MYO16: variants seen among roughly 807,000 people sequenced by gnomAD.
MYO16 encodes unconventional myosin-XVI.
MYO16 carries 94 observed loss-of-function variants against 205.3 expected under a neutral mutation model. That is an observed-to-expected ratio of 0.46 (90% CI 0.39 to 0.54). The LOEUF (loss-of-function observed/expected upper bound fraction) is 0.54. MYO16 is among the 20% of genes least tolerant of loss of function. The pLI is 0.00. For synonymous variants in MYO16, 988 were observed against 954.0 expected, an observed-to-expected ratio of 1.04 and a Z score of -0.66; for missense variants, 2,315 against 2,387.5, an observed-to-expected ratio of 0.97 and a Z score of 0.63.
rs1229065163 is a variant in MYO16 at position 109,027,438 on chromosome 13, C to CCCCAAGTT, written c.2796+7529_2796+7536dup. Among the ~76,000 whole-genome samples the CCCCAAGTT allele has an allele frequency of 2.0e-4, 31 of 152,150 alleles. 1 individual carries two copies. The highest frequency in any genetic ancestry group is 4.0e-4 in the Non-Finnish European group (27 of 68,036). On this transcript the variant is annotated intron_variant, in intron 23 of 34. Coordinates refer to ENST00000457511, the MANE Select transcript of MYO16 (RefSeq NM_001198950.3). ...AGTGACAACACTGTGTCTTATTTTC[C>CCCCAAGTT]CCCAAGTTCACTGTGCTTTTCTCTC...
At chr13:108,690,952 G>A (rs989965328) in intron 2 of MYO16, among the ~76,000 whole-genome samples, 2 of 152,186 alleles carry the variant, frequency 1.3e-5, no homozygotes, top group East Asian at 1.9e-4. Flanking sequence ...TAACTGTGAT[G>A]TAACTAAGCT....
chr13:108,625,285 G>C (rs529484318), upstream of MYO16, among the ~76,000 whole-genome samples: 3 of 152,108 alleles, frequency 2.0e-5, no homozygotes, highest in Non-Finnish European at 4.4e-5. Flanking sequence ...CCAAAATCAG[G>C]AACAACCTCC....
chr13:108,981,151 G>A (rs945556787), intron 20 of MYO16, among the ~76,000 whole-genome samples: 2 of 152,182 alleles, frequency 1.3e-5, no homozygotes, highest in African/African-American at 4.8e-5. Context: ...TGTTTTGAAA[G>A]TTAAATTTAT....
chr13:109,055,242 AACAT>A lies in MYO16; in HGVS notation c.3129+120_3129+123del, dbSNP rs1162290785. 105 of 859,412 alleles carry A rather than the reference AACAT, an allele frequency of 1.2e-4. No homozygotes were observed. The African/African-American group carries it at 2.4e-3, about 20-fold the overall frequency. 53.2% of individuals were successfully genotyped at this position (859,412 alleles called of 1,614,324 possible). A position where few individuals can be genotyped will look rare whatever the true frequency, so the allele number is the denominator to read the frequency against. ...CTTAAATATCTTCACAAAAAAAGTA[AACAT>A]ACACACACACACACACACACACACA... On this transcript the variant is annotated intron_variant, in intron 26 of 34. Coordinates refer to ENST00000457511, the MANE Select transcript of MYO16 (RefSeq NM_001198950.3). This position sits in a 1 kb window ranked among gnomAD's most constrained non-coding sequence, Gnocchi z 5.0.
chr13:109,150,383 T>C (rs1212289498), intron 32 of MYO16, among the ~76,000 whole-genome samples: 2 of 152,158 alleles, frequency 1.3e-5, no homozygotes, highest in Non-Finnish European at 2.9e-5. Flanking sequence ...GTGACTATGC[T>C]GTTCCCGCTA....
intron 20 of MYO16, among the ~76,000 whole-genome samples, chr13:108,977,585 AT>A (rs201683481): frequency 6.6e-6 from 1 of 152,048 alleles, no homozygotes; most frequent in African/African-American, 2.4e-5. Context: ...GTCATCTTAT[AT>A]TTTTTTAAAA....
At chr13:108,958,456 C>T (rs921847868) in intron 17 of MYO16, among the ~76,000 whole-genome samples, 1 of 151,884 alleles carries the variant, frequency 6.6e-6, no homozygotes, top group Non-Finnish European at 1.5e-5. Context: ...GGCCAAGTAC[C>T]TGCAAGCATT....
rs1196016200 is a variant in MYO16 at position 108,666,153 on chromosome 13, CATG to C, written c.292+7_292+9del. On this transcript the variant is annotated splice_donor_5th_base_variant and intron_variant, in intron 2 of 34. Transcript: ENST00000457511. ...ATCCACCACAATGACAAAGAAGGTACATGATAAGAAAGAAGGACCCGTTTTCTG... is the reference window on the plus strand; with the variant it reads ...ATCCACCACAATGACAAAGAAGGTACATAAGAAAGAAGGACCCGTTTTCTG... The C allele has an allele frequency of 1.9e-6, 3 of 1,587,590 alleles. No individual in the cohort carries two copies. In the South Asian group the frequency reaches 3.3e-5, roughly 18 times the overall value.
chr13:108,903,359 T>C (rs777690237), intron 15 of MYO16, among the ~76,000 whole-genome samples: 3 of 136,658 alleles, frequency 2.2e-5, no homozygotes, highest in Admixed American at 7.9e-5. Flanking sequence ...AAAAACATCA[T>C]GTATACAGGG....
chr13:108,658,448 G>GTA, intron 1 of MYO16, among the ~76,000 whole-genome samples: 1 of 151,356 alleles, frequency 6.6e-6, no homozygotes, highest in East Asian at 1.9e-4. Flanking sequence ...GTGTGTGTGT[G>GTA]TGTGTGTGTG....
At chr13:109,002,220 G>T (rs1295605008) in intron 21 of MYO16, among the ~76,000 whole-genome samples, 1 of 152,188 alleles carries the variant, frequency 6.6e-6, no homozygotes, top group Non-Finnish European at 1.5e-5. Flanking sequence ...TCACTGCCCA[G>T]GGCTCTGCCT....
chr13:108,527,300 T>A, the MYO16 span, among the ~76,000 whole-genome samples: 2 of 152,214 alleles, frequency 1.3e-5, no homozygotes, highest in Non-Finnish European at 2.9e-5. Flanking sequence ...AAGTTCATGA[T>A]GACAAGCTGC....
intron 23 of MYO16, among the ~76,000 whole-genome samples, chr13:109,033,372 T>C (rs78091027): frequency 0.05 from 7,573 of 152,288 alleles, 242 homozygotes; most frequent in African/African-American, 0.077. Context: ...TGCCTCGATC[T>C]GTCAGACTTC....
At chr13:109,185,949 T>G (rs1422481325) in intron 34 of MYO16, among the ~76,000 whole-genome samples, 1 of 152,200 alleles carries the variant, frequency 6.6e-6, no homozygotes, top group East Asian at 1.9e-4. Flanking sequence ...GTGGTGGGAC[T>G]TTTTTTTCCA....
intron 12 of MYO16, among the ~76,000 whole-genome samples, chr13:108,877,211 G>A (rs1363520419): frequency 6.6e-6 from 1 of 152,170 alleles, no homozygotes; most frequent in Non-Finnish European, 1.5e-5. Context: ...ATGTTTGAGA[G>A]TTTCAACAGA....
intron 24 of MYO16, among the ~76,000 whole-genome samples, chr13:109,050,589 C>T (rs1228883839): frequency 6.6e-6 from 1 of 152,144 alleles, no homozygotes; most frequent in East Asian, 1.9e-4. Flanking sequence ...ATTAGTTTTA[C>T]ATGCGTTCAT....
chr13:108,616,857 T>C (rs1020564527), intron 1 of MYO16, among the ~76,000 whole-genome samples: 5 of 152,178 alleles, frequency 3.3e-5, no homozygotes, highest in Admixed American at 2.0e-4. Flanking sequence ...TAAAGTATTG[T>C]GTACATTGTC....
chr13:108,986,119 C>T (rs993452465), intron 20 of MYO16, among the ~76,000 whole-genome samples: 2 of 152,130 alleles, frequency 1.3e-5, no homozygotes, highest in Admixed American at 1.3e-4. Flanking sequence ...GACTTATTCA[C>T]TATCATGAGA....
At chr13:108,801,126 G>A (rs1463418690) in intron 6 of MYO16, among the ~76,000 whole-genome samples, 1 of 152,104 alleles carries the variant, frequency 6.6e-6, no homozygotes, top group African/African-American at 2.4e-5. Flanking sequence ...TTCAAAATAT[G>A]CCGAGTTCAT....
Sources: allele counts gnomAD v4.1 joint callset (sites outside exome capture counted in the v4.1 genomes callset), GRCh38; gene constraint gnomAD v4.1.1; non-coding constraint Gnocchi (gnomAD v3.1); transcripts MANE v1.5; gene names NCBI Gene and HGNC (gene_info 2026-07-23, HGNC 2026-07-21).